The following PCDHAC1 variants were observed in gnomAD, a reference collection of about 807,000 sequenced individuals.
PCDHAC1 encodes protocadherin alpha-C1.
In PCDHAC1, 42 loss-of-function variants were observed where a neutral mutation model predicts 60.0. The ratio of observed to expected loss-of-function variants is 0.70; its 90% CI spans 0.55 to 0.90. The LOEUF (loss-of-function observed/expected upper bound fraction) is 0.90. Ranked by LOEUF, PCDHAC1 falls within the 40% of genes least tolerant of loss-of-function variation. The pLI is 0.00. For synonymous variants in PCDHAC1, 468 were observed against 499.3 expected, an observed-to-expected ratio of 0.94 and a Z score of 0.84; for missense variants, 1,160 against 1,222.3, an observed-to-expected ratio of 0.95 and a Z score of 0.76.
chr5:141,010,384 G>T lies in PCDHAC1; in HGVS notation c.*447G>T, dbSNP rs2098417140. 10 of 1,411,480 alleles carry T rather than the reference G, an allele frequency of 7.1e-6. No homozygotes were observed. In the South Asian group the frequency reaches 8.5e-5, roughly 12 times the overall value. The allele number at this position is 1,411,480 out of a possible 1,614,324, so 87.4% of individuals were successfully genotyped here. A position where few individuals can be genotyped will look rare whatever the true frequency, so the allele number is the denominator to read the frequency against. ...GCGGGTATGCGAGTGCCAGATATTGGCTGAGACGAGCCAGCTTAGACTAAT... is the reference window on the plus strand; with the variant it reads ...GCGGGTATGCGAGTGCCAGATATTGTCTGAGACGAGCCAGCTTAGACTAAT... On this transcript the variant is annotated 3_prime_UTR_variant, in exon 4 of 4. Coordinates refer to ENST00000253807, the MANE Select transcript of PCDHAC1 (RefSeq NM_018898.5).
At chr5:140,970,802 AC>A (rs1407360459) in intron 1 of PCDHAC1, among the ~76,000 whole-genome samples, 1 of 152,216 alleles carries the variant, frequency 6.6e-6, no homozygotes, top group Non-Finnish European at 1.5e-5. Flanking sequence ...CCATATTGTT[AC>A]ATTTCAAGTT....
chr5:140,966,951 C>G lies in PCDHAC1; in HGVS notation c.2434-11998C>G, dbSNP rs781885198. 3.1e-5 allele frequency: 50 copies of G among 1,603,624 alleles called. No individual in the cohort carries two copies. The highest frequency in any genetic ancestry group is 4.2e-5 in the Non-Finnish European group (50 of 1,178,520). The stretch of plus-strand genomic sequence containing the variant: ...CCCGGCGCGCTCGTGGGCAACGTGG[C>G]TCGCGCGCTGGGGCTTGAGCTGCGG... On this transcript the variant is annotated intron_variant, in intron 1 of 3. Coordinates refer to ENST00000253807, the MANE Select transcript of PCDHAC1 (RefSeq NM_018898.5).
chr5:141,000,345 C>A (rs1395527046), intron 3 of PCDHAC1, among the ~76,000 whole-genome samples: 7 of 116,650 alleles, frequency 6.0e-5, no homozygotes, highest in African/African-American at 2.4e-4. Context: ...CCCTATCTCT[C>A]TCTCTGTCTC....
At chr5:141,005,650 C>T (rs1262025643) in intron 3 of PCDHAC1, among the ~76,000 whole-genome samples, 4 of 126,784 alleles carry the variant, frequency 3.2e-5, no homozygotes, top group African/African-American at 9.3e-5. Context: ...TGCAGTGAGT[C>T]GAGATCGCGC....
intron 3 of PCDHAC1, among the ~76,000 whole-genome samples, chr5:141,008,307 G>A (rs1212029861): frequency 2.0e-5 from 3 of 152,176 alleles, no homozygotes; most frequent in Admixed American, 1.3e-4. Context: ...ACCCTAAACT[G>A]TAATTGAACA....
rs144442346 is a variant in PCDHAC1 at position 140,929,817 on chromosome 5, G to A, written c.2433+492G>A. 1,292 of 158,464 alleles carry A rather than the reference G, an allele frequency of 8.2e-3. 7 individuals are homozygous for A. Among genetic ancestry groups the A allele is most frequent in the African/African-American group, 0.019 (796 of 41,644 alleles). 9.8% of individuals were successfully genotyped at this position (158,464 alleles called of 1,614,324 possible). On this transcript the variant is annotated intron_variant, in intron 1 of 3. Coordinates refer to ENST00000253807, the MANE Select transcript of PCDHAC1 (RefSeq NM_018898.5). The stretch of plus-strand genomic sequence containing the variant: ...ATGGGGGTTAAAAGAAGGGAGAAAG[G>A]GAACATAAGAGAACATTTGAGTGAG...
intron 1 of PCDHAC1, among the ~76,000 whole-genome samples, chr5:140,977,624 T>C (rs139722248): frequency 6.6e-6 from 1 of 152,088 alleles, no homozygotes. Flanking sequence ...TATCCCAGAG[T>C]TGTAACTTTT....
At chr5:141,008,367 G>A (rs2098373101) in intron 3 of PCDHAC1, among the ~76,000 whole-genome samples, 1 of 152,144 alleles carries the variant, frequency 6.6e-6, no homozygotes, top group African/African-American at 2.4e-5. Flanking sequence ...AAGGAGCAGT[G>A]TTAGATACAT....
chr5:140,966,894 A>C, intron 1 of PCDHAC1: 1 of 1,596,438 alleles, frequency 6.3e-7, no homozygotes, highest in African/African-American at 1.3e-5. Flanking sequence ...GCGGCCTCCC[A>C]GCTGCGATAC....
At chr5:140,985,000 C>T (rs1237251178) in intron 3 of PCDHAC1, among the ~76,000 whole-genome samples, 5 of 151,948 alleles carry the variant, frequency 3.3e-5, no homozygotes, top group Non-Finnish European at 7.4e-5. Context: ...TCCAGTGGCA[C>T]GATATCGGCT....
chr5:141,011,852 A>T lies in PCDHAC1; in HGVS notation c.*1915A>T, dbSNP rs1288551420. 1 of 153,718 alleles carries T rather than the reference A, an allele frequency of 6.5e-6. No individual in the cohort carries two copies. The highest frequency in any genetic ancestry group is 1.5e-5 in the Non-Finnish European group (1 of 68,038). 9.5% of individuals were successfully genotyped at this position (153,718 alleles called of 1,614,324 possible). A position where few individuals can be genotyped will look rare whatever the true frequency, so the allele number is the denominator to read the frequency against. ...CTGTCACCTTAAATAAGACATTTTA[A>T]TTTTGTTATAATGTACAATTTAGAA... On this transcript the variant is annotated 3_prime_UTR_variant, in exon 4 of 4. Transcript: ENST00000253807.
chr5:140,935,894 CT>C (rs55841305), intron 1 of PCDHAC1, among the ~76,000 whole-genome samples: 1,605 of 136,716 alleles, frequency 0.012, 14 homozygotes, highest in Non-Finnish European at 0.016. Context: ...TCAATATTAT[CT>C]TTTTTTTTTT....
intron 3 of PCDHAC1, among the ~76,000 whole-genome samples, chr5:140,986,890 G>A (rs965456573): frequency 6.6e-6 from 1 of 152,124 alleles, no homozygotes; most frequent in Non-Finnish European, 1.5e-5. Flanking sequence ...CAAATTCTTA[G>A]GCCCTATCCT....
In PCDHAC1 at chr5:140,969,369, C is replaced by A. The variant is rs782020561; in HGVS notation, c.2434-9580C>A. The A allele has an allele frequency of 1.3e-5, 21 of 1,607,718 alleles. 2 individuals carry two copies. In the South Asian group the frequency reaches 2.3e-4, roughly 18 times the overall value. ...TCAGGGGGTCTTCTACAAACTCATG[C>A]ATTTGTTACACATCCCCCAATATCC... is the stretch of plus-strand genomic sequence containing the variant. On this transcript the variant is annotated intron_variant, in intron 1 of 3. Transcript: ENST00000253807.
intron 3 of PCDHAC1, among the ~76,000 whole-genome samples, chr5:140,990,327 A>G (rs2097387817): frequency 1.3e-5 from 2 of 152,174 alleles, no homozygotes; most frequent in African/African-American, 4.8e-5. Flanking sequence ...AACAAACTTT[A>G]AAAATAAGTA....
In PCDHAC1 at chr5:140,978,698, A is replaced by C. The variant is rs150194035; in HGVS notation, c.2434-251A>C. 1.4e-3 allele frequency among the ~76,000 whole-genome samples: 215 copies of C among 152,372 alleles called. 5 individuals carry two copies. In the South Asian group the frequency reaches 0.033, roughly 23 times the overall value. ...ACATGTATTGGGCAAGGCAAAGCCA[A>C]AGGTGGCCTTTACAAGATTATTAAA... is the stretch of plus-strand genomic sequence containing the variant. On this transcript the variant is annotated intron_variant, in intron 1 of 3. Transcript: ENST00000253807.
intron 1 of PCDHAC1, among the ~76,000 whole-genome samples, chr5:140,950,043 A>G (rs1011500100): frequency 1.6e-4 from 25 of 151,950 alleles, no homozygotes; most frequent in Non-Finnish European, 3.4e-4. Context: ...TTACAACCAT[A>G]TAAGACTATT....
chr5:141,010,282 A>C lies in PCDHAC1; in HGVS notation c.*345A>C, dbSNP rs375556483. The C allele has an allele frequency of 6.4e-7, 1 of 1,551,130 alleles. No homozygotes were observed. Among genetic ancestry groups the C allele is most frequent in the Admixed American group, 2.0e-5 (1 of 50,878 alleles). On this transcript the variant is annotated 3_prime_UTR_variant, in exon 4 of 4. Transcript: ENST00000253807. ...GTGCTCCGGGGATCCTGTCTTGATGACACTTGCAGGGCAGGCTGAAAAGTT... is the reference window on the plus strand; with the variant it reads ...GTGCTCCGGGGATCCTGTCTTGATGCCACTTGCAGGGCAGGCTGAAAAGTT...
At chr5:140,935,047 A>G (rs782161261) in intron 1 of PCDHAC1, among the ~76,000 whole-genome samples, 11 of 152,140 alleles carry the variant, frequency 7.2e-5, no homozygotes, top group Admixed American at 3.3e-4. Flanking sequence ...GATTTCTGGT[A>G]TTACAAGATG....
Sources: allele counts gnomAD v4.1 joint callset (sites outside exome capture counted in the v4.1 genomes callset), GRCh38; gene constraint gnomAD v4.1.1; transcripts MANE v1.5; gene names NCBI Gene and HGNC (gene_info 2026-07-23, HGNC 2026-07-21).